The following STK32B variants were observed in gnomAD, a reference collection of about 807,000 sequenced individuals.
STK32B encodes serine/threonine-protein kinase 32B.
In STK32B, 43 loss-of-function variants were observed where a neutral mutation model predicts 52.6. The ratio of observed to expected loss-of-function variants is 0.82; its 90% CI spans 0.64 to 1.05. STK32B has a LOEUF of 1.05. Among genes scored for constraint, STK32B ranks in the 50% least tolerant of loss-of-function variants. The pLI, the probability that STK32B is intolerant of heterozygous loss-of-function variation, is 0.00. For missense variants in STK32B, 621 were observed against 534.6 expected (o/e 1.16, Z -1.59); for synonymous variants, 238 against 204.3 (o/e 1.17, Z -1.41).
At chr4:5,497,902 T>A (rs1720427725) in intron 11 of STK32B, among the ~76,000 whole-genome samples, 1 of 152,066 alleles carries the variant, frequency 6.6e-6, no homozygotes, top group Non-Finnish European at 1.5e-5. Context: ...GAAAGAAACA[T>A]ACTAGTTTTA....
At chr4:5,118,890 G>T (rs1420080470) in intron 1 of STK32B, among the ~76,000 whole-genome samples, 1 of 152,148 alleles carries the variant, frequency 6.6e-6, no homozygotes, top group Non-Finnish European at 1.5e-5. Context: ...CCTGTGTTGT[G>T]CTGTCTTCCT....
At chr4:5,178,119 G>T (rs1024675167) in intron 3 of STK32B, among the ~76,000 whole-genome samples, 1 of 152,152 alleles carries the variant, frequency 6.6e-6, no homozygotes, top group African/African-American at 2.4e-5. Flanking sequence ...TCTCCATAAG[G>T]GCTCTGCCCC....
rs1716964138 is a variant in STK32B at position 5,460,705 on chromosome 4, C to G, written c.909+477C>G. Among the ~76,000 whole-genome samples, 1 of 152,206 alleles carries G rather than the reference C, an allele frequency of 6.6e-6. No individual in the cohort carries two copies. Among genetic ancestry groups the G allele is most frequent in the African/African-American group, 2.4e-5 (1 of 41,458 alleles). The stretch of plus-strand genomic sequence containing the variant: ...TAGAGGTAAAGTGAGGGAACCAGGA[C>G]TGCAGGGATGGGCACTGAGCCTTCC... On this transcript the variant is annotated intron_variant, in intron 9 of 11. Transcript: ENST00000282908. The surrounding 1 kb of genome is among the most constrained non-coding windows in gnomAD (Gnocchi z 4.8).
chr4:5,417,829 C>T (rs1024480333), intron 6 of STK32B, among the ~76,000 whole-genome samples: 10 of 152,206 alleles, frequency 6.6e-5, no homozygotes, highest in Non-Finnish European at 1.3e-4. Context: ...GGTTTTTCCT[C>T]AGGTTTGGCT....
At chr4:5,462,717 G>T (rs1424492671) in intron 9 of STK32B, among the ~76,000 whole-genome samples, 2 of 152,132 alleles carry the variant, frequency 1.3e-5, no homozygotes, top group African/African-American at 4.8e-5. Flanking sequence ...TCTGGGATGG[G>T]GGACTGTCCT....
intron 3 of STK32B, among the ~76,000 whole-genome samples, chr4:5,182,681 A>G (rs1720452983): frequency 6.6e-6 from 1 of 151,912 alleles, no homozygotes. Flanking sequence ...CTGGTCTCGA[A>G]CTCCTGACCT....
intron 6 of STK32B, 42 bp from the exon 7 acceptor site, chr4:5,446,631 C>T (rs370011279): frequency 1.3e-6 from 2 of 1,546,300 alleles, no homozygotes; most frequent in African/African-American, 1.4e-5. Flanking sequence ...TGGCCATAAA[C>T]TGGGATACAC....
intron 6 of STK32B, among the ~76,000 whole-genome samples, chr4:5,444,604 A>G (rs980026669): frequency 2.6e-5 from 4 of 152,148 alleles, no homozygotes; most frequent in Non-Finnish European, 4.4e-5. Flanking sequence ...AGCTGTTCCT[A>G]TTCGGCCATC....
At chr4:5,034,456 C>A in the STK32B span, among the ~76,000 whole-genome samples, 1 of 152,172 alleles carries the variant, frequency 6.6e-6, no homozygotes, top group Non-Finnish European at 1.5e-5. Context: ...CGCTCCCCTC[C>A]CTACAAATAT....
At chr4:5,278,072 G>A (rs567680205) in intron 3 of STK32B, among the ~76,000 whole-genome samples, 6 of 152,314 alleles carry the variant, frequency 3.9e-5, no homozygotes, top group African/African-American at 1.4e-4. Context: ...TGGCAGATGA[G>A]GTGACTCAGG....
intron 1 of STK32B, among the ~76,000 whole-genome samples, chr4:5,055,153 G>A (rs1741952444): frequency 6.6e-6 from 1 of 152,090 alleles, no homozygotes; most frequent in South Asian, 2.1e-4. Flanking sequence ...GCAGTGGTGG[G>A]ATCTTAGCTC....
At chr4:5,234,580 T>C (rs1724500561) in intron 3 of STK32B, among the ~76,000 whole-genome samples, 1 of 152,244 alleles carries the variant, frequency 6.6e-6, no homozygotes, top group Non-Finnish European at 1.5e-5. Context: ...TATGAACTCA[T>C]TCCTTTTTAT....
chr4:5,075,181 G>T (rs993036085), intron 1 of STK32B, among the ~76,000 whole-genome samples: 1 of 152,110 alleles, frequency 6.6e-6, no homozygotes, highest in African/African-American at 2.4e-5. Flanking sequence ...GGAATAAAGG[G>T]TGTAAATGTA....
intron 7 of STK32B, chr4:5,447,457 A>G (rs536039720): frequency 3.9e-5 from 6 of 152,074 alleles, no homozygotes; most frequent in African/African-American, 1.2e-4. Flanking sequence ...GGGAAATTAC[A>G]TCTCTACAAA....
chr4:5,391,161 A>G (rs1736575311), intron 4 of STK32B, among the ~76,000 whole-genome samples: 1 of 151,720 alleles, frequency 6.6e-6, no homozygotes, highest in African/African-American at 2.4e-5. Context: ...GGGTTTCACC[A>G]TGTTAGCCAG....
chr4:5,021,386 G>A, the STK32B span, among the ~76,000 whole-genome samples: 1 of 152,204 alleles, frequency 6.6e-6, no homozygotes, highest in Non-Finnish European at 1.5e-5. Flanking sequence ...GTGCTTGGAG[G>A]TGGCAAGTGG....
At chr4:5,367,777 T>G (rs1012722202) in intron 4 of STK32B, among the ~76,000 whole-genome samples, 1 of 152,222 alleles carries the variant, frequency 6.6e-6, no homozygotes, top group African/African-American at 2.4e-5. Flanking sequence ...ATGTCTTTTC[T>G]CTGCTGGACA....
intron 3 of STK32B, among the ~76,000 whole-genome samples, chr4:5,329,088 A>G (rs16837015): frequency 0.071 from 10,762 of 152,252 alleles, 669 homozygotes; most frequent in African/African-American, 0.17. Flanking sequence ...CTGTGACAGG[A>G]ATATTGGGAA....
chr4:5,442,312 G>A lies in STK32B; in HGVS notation c.563-4361G>A, dbSNP rs549449847. Reference sequence around the variant, plus strand: ...CCTGTATTGGTTGCATATATATTTAGAATAGTTAGCTCTTCTTGTTGAATT... The same window carrying A: ...CCTGTATTGGTTGCATATATATTTAAAATAGTTAGCTCTTCTTGTTGAATT... On this transcript the variant is annotated intron_variant, in intron 6 of 11. Coordinates refer to ENST00000282908, the MANE Select transcript of STK32B (RefSeq NM_018401.3). Among the ~76,000 whole-genome samples, 196 of 152,116 alleles carry A rather than the reference G, an allele frequency of 1.3e-3. 3 individuals are homozygous for A. Among genetic ancestry groups the A allele is most frequent in the South Asian group, 6.1e-3 (29 of 4,776 alleles).
Sources: gnomAD v4.1 joint callset for allele counts (sites outside exome capture counted in the v4.1 genomes callset) on GRCh38, gnomAD v4.1.1 for gene constraint, Gnocchi (gnomAD v3.1) non-coding constraint, MANE v1.5 for transcripts, NCBI Gene and HGNC (gene_info 2026-07-23, HGNC 2026-07-21) for gene names.